LRRC4C: variants seen among roughly 807,000 people sequenced by gnomAD.
LRRC4C encodes the protein leucine-rich repeat-containing protein 4C.
A neutral mutation model predicts 33.6 loss-of-function variants in LRRC4C; 5 were observed. The ratio of observed to expected loss-of-function variants is 0.15; its 90% confidence interval spans 0.08 to 0.31. The LOEUF (loss-of-function observed/expected upper bound fraction) is 0.31, where lower values mean the gene tolerates loss of function less well. LRRC4C is among the 10% of genes least tolerant of loss of function. The pLI is 1.00. For synonymous variants in LRRC4C, 329 were observed against 302.0 expected (o/e 1.09, Z -0.93); for missense variants, 560 against 796.7 (o/e 0.70, Z 3.58).
intron 3 of LRRC4C, among the ~76,000 whole-genome samples, chr11:40,469,173 G>C (rs1028568130): frequency 6.6e-6 from 1 of 152,136 alleles, no homozygotes; most frequent in Admixed American, 6.5e-5. Flanking sequence ...ATTTCCAACT[G>C]AGGTACCCGG....
intron 3 of LRRC4C, among the ~76,000 whole-genome samples, chr11:40,631,436 A>G (rs1303743217): frequency 6.6e-6 from 1 of 152,196 alleles, no homozygotes; most frequent in Non-Finnish European, 1.5e-5. Context: ...TGTCACACTG[A>G]CAGTCTCAAT....
intron 3 of LRRC4C, among the ~76,000 whole-genome samples, chr11:40,466,267 G>A (rs1952646716): frequency 6.6e-6 from 1 of 151,958 alleles, no homozygotes; most frequent in African/African-American, 2.4e-5. Flanking sequence ...TTACAAATGT[G>A]GGAGAATGGG....
At chr11:41,079,454 C>A (rs1373441778) in intron 1 of LRRC4C, among the ~76,000 whole-genome samples, 1 of 152,024 alleles carries the variant, frequency 6.6e-6, no homozygotes, top group African/African-American at 2.4e-5. Flanking sequence ...CTATTCACTC[C>A]CAATAAATTA....
At position 41,439,880 on chromosome 11, in the gene LRRC4C, T is replaced by G. The variant is rs573916460; in HGVS notation, c.-496+19551A>C. Among the ~76,000 whole-genome samples, 3 of 152,314 alleles carry G rather than the reference T, an allele frequency of 2.0e-5. No homozygotes were observed. In the South Asian group the frequency reaches 6.2e-4, roughly 32 times the overall value. On this transcript the variant is annotated intron_variant, in intron 1 of 6. Coordinates refer to ENST00000528697, the MANE Select transcript of LRRC4C (RefSeq NM_001258419.2). The stretch of plus-strand genomic sequence containing the variant: ...AAATTGTTAAATTGTTTGAGTTCCT[T>G]GTAGATTCTAGATATTAGTCCTCTG...
chr11:41,120,881 G>A (rs1350469032), intron 1 of LRRC4C, among the ~76,000 whole-genome samples: 3 of 152,070 alleles, frequency 2.0e-5, no homozygotes, highest in African/African-American at 7.2e-5. Flanking sequence ...ATAAGTGTGT[G>A]TGGCACTTCC....
At chr11:40,593,590 C>T (rs1171342965) in intron 3 of LRRC4C, among the ~76,000 whole-genome samples, 1 of 152,172 alleles carries the variant, frequency 6.6e-6, no homozygotes, top group Non-Finnish European at 1.5e-5. Flanking sequence ...CAAGAGTTTA[C>T]ATTTCAGTTC....
chr11:41,403,275 T>G (rs1336764075), intron 1 of LRRC4C, among the ~76,000 whole-genome samples: 1 of 152,096 alleles, frequency 6.6e-6, no homozygotes, highest in African/African-American at 2.4e-5. Flanking sequence ...TCTAGAATAT[T>G]AAAACACTGC....
At position 40,609,986 on chromosome 11, in the gene LRRC4C, C is replaced by T. The variant is rs554403450; in HGVS notation, c.-270+38156G>A. ...ATTTAAAAAATAATTAATGCCAACC[C>T]TCCTTAAATTCGTCCAAAAAATCGA... is the stretch of plus-strand genomic sequence containing the variant. On this transcript the variant is annotated intron_variant, in intron 3 of 6. Transcript: ENST00000528697. Among the ~76,000 whole-genome samples the T allele has an allele frequency of 5.3e-5, 8 of 152,018 alleles. No homozygotes were observed. The South Asian group carries it at 6.2e-4, about 12-fold the overall frequency.
At chr11:40,329,737 C>T (rs1473624853) in intron 3 of LRRC4C, among the ~76,000 whole-genome samples, 1 of 120,414 alleles carries the variant, frequency 8.3e-6, no homozygotes, top group African/African-American at 3.1e-5. Context: ...CTTTCTTTTT[C>T]TTTTTTTTTT....
intron 1 of LRRC4C, among the ~76,000 whole-genome samples, chr11:40,971,704 C>A (rs949795547): frequency 1.3e-5 from 2 of 152,148 alleles, no homozygotes; most frequent in Admixed American, 1.3e-4. Flanking sequence ...TTGCACCTTG[C>A]ACCTGGTAAA....
intron 1 of LRRC4C, among the ~76,000 whole-genome samples, chr11:41,325,614 T>TGTGTGTG (rs1951093720): frequency 6.8e-6 from 1 of 146,092 alleles, no homozygotes; most frequent in African/African-American, 2.6e-5. Context: ...TGTGTGTGTG[T>TGTGTGTG]TAAAGACATA....
At chr11:41,418,278 TC>T (rs1179370219) in intron 1 of LRRC4C, among the ~76,000 whole-genome samples, 1 of 151,998 alleles carries the variant, frequency 6.6e-6, no homozygotes, top group African/African-American at 2.4e-5. Context: ...TTCCAGTCAG[TC>T]CTTCTTGTGA....
At chr11:40,250,359 T>C (rs1453846320) in intron 4 of LRRC4C, among the ~76,000 whole-genome samples, 2 of 152,188 alleles carry the variant, frequency 1.3e-5, no homozygotes, top group Non-Finnish European at 2.9e-5. Flanking sequence ...CAAATTTCTA[T>C]ACTTCAGAAC....
intron 3 of LRRC4C, among the ~76,000 whole-genome samples, chr11:40,390,668 A>G (rs1949299209): frequency 1.3e-5 from 2 of 152,128 alleles, no homozygotes; most frequent in Admixed American, 1.3e-4. Flanking sequence ...TGGAATGGAT[A>G]AGGAAACTGC....
intron 1 of LRRC4C, among the ~76,000 whole-genome samples, chr11:41,226,259 G>A (rs149207974): frequency 3.3e-5 from 5 of 152,060 alleles, no homozygotes; most frequent in Non-Finnish European, 4.4e-5. Context: ...AACAATGATC[G>A]TTCATAGAAA....
intron 3 of LRRC4C, among the ~76,000 whole-genome samples, chr11:40,571,943 G>A (rs2135569795): frequency 6.6e-6 from 1 of 152,264 alleles, no homozygotes; most frequent in Admixed American, 6.5e-5. Context: ...CTTCCTGGAT[G>A]CAGCAGATTA....
chr11:40,886,070 C>T (rs11036139), intron 2 of LRRC4C, among the ~76,000 whole-genome samples: 130,402 of 152,034 alleles, frequency 0.86, 56,714 homozygotes, highest in Non-Finnish European at 0.94. Context: ...CTTGCTCCTT[C>T]TGTAAACTTG....
chr11:41,032,191 C>T (rs1403373984), intron 1 of LRRC4C, among the ~76,000 whole-genome samples: 1 of 151,982 alleles, frequency 6.6e-6, no homozygotes, highest in Non-Finnish European at 1.5e-5. Context: ...ATCCTTCTGC[C>T]CCAGATTAAT....
At position 40,213,590 on chromosome 11, in the gene LRRC4C, G is replaced by A. The variant is rs114423230; in HGVS notation, c.-96+27929C>T. Among the ~76,000 whole-genome samples, 159 of 152,154 alleles carry A rather than the reference G, an allele frequency of 1.0e-3. 1 individual carries two copies. The South Asian group carries it at 0.011, about 10-fold the overall frequency. ...ATGGCCACCCTGATTCCCAAGATCC[G>A]TCTTCTGTCATAAAATCAGAATGGT... On this transcript the variant is annotated intron_variant, in intron 5 of 6. Coordinates refer to ENST00000528697, the MANE Select transcript of LRRC4C (RefSeq NM_001258419.2).
Sources: allele counts gnomAD v4.1 joint callset (sites outside exome capture counted in the v4.1 genomes callset), GRCh38; gene constraint gnomAD v4.1.1; transcripts MANE v1.5; gene names NCBI Gene and HGNC (gene_info 2026-07-23, HGNC 2026-07-21).